Variants in CDH12 observed in about 807,000 individuals in gnomAD.
CDH12 encodes cadherin 12.
A neutral mutation model predicts 74.1 loss-of-function variants in CDH12; 41 were observed. The observed-to-expected ratio is 0.55, with a 90% CI of 0.43 to 0.72. The LOEUF (loss-of-function observed/expected upper bound fraction) is 0.72, where lower values mean the gene tolerates loss of function less well. Among genes scored for constraint, CDH12 ranks in the 30% least tolerant of loss-of-function variants. The pLI is 0.00. For synonymous variants in CDH12, 399 were observed against 355.0 expected, an observed-to-expected ratio of 1.12 and a Z score of -1.39; for missense variants, 945 against 977.2, an observed-to-expected ratio of 0.97 and a Z score of 0.44.
At chr5:22,404,233 C>G (rs754501029) in intron 3 of CDH12, among the ~76,000 whole-genome samples, 3 of 151,736 alleles carry the variant, frequency 2.0e-5, no homozygotes, top group Non-Finnish European at 4.4e-5. Flanking sequence ...AATCTAAACC[C>G]CTCATTTTGA....
At chr5:22,601,654 C>A (rs960663520) in intron 1 of CDH12, among the ~76,000 whole-genome samples, 5 of 151,864 alleles carry the variant, frequency 3.3e-5, no homozygotes, top group African/African-American at 1.2e-4. Context: ...TTTAAGTTAT[C>A]GACTGGGTAC....
At chr5:21,926,813 G>A (rs971221328) in intron 6 of CDH12, among the ~76,000 whole-genome samples, 3 of 152,140 alleles carry the variant, frequency 2.0e-5, no homozygotes, top group Non-Finnish European at 4.4e-5. Flanking sequence ...GTAGAACTGT[G>A]TACAACAATA....
chr5:22,721,260 G>C (rs950902965), intron 1 of CDH12, among the ~76,000 whole-genome samples: 7 of 152,236 alleles, frequency 4.6e-5, no homozygotes, highest in African/African-American at 1.7e-4. Flanking sequence ...AGTGGATCAA[G>C]GCCATGGGAG....
At chr5:21,764,887 T>A (rs1744931666) in intron 12 of CDH12, 91 bp downstream of exon 12, 1 of 1,197,250 alleles carries the variant, frequency 8.4e-7, no homozygotes, top group Admixed American at 2.1e-5. Flanking sequence ...GAAAAACAAA[T>A]ATATGTGTGC....
chr5:21,934,186 G>A (rs1387988872), intron 6 of CDH12, among the ~76,000 whole-genome samples: 8 of 152,106 alleles, frequency 5.3e-5, no homozygotes, highest in Non-Finnish European at 1.2e-4. Flanking sequence ...AATCTGATGT[G>A]GAATTGTGAT....
intron 4 of CDH12, among the ~76,000 whole-genome samples, chr5:22,196,147 A>AT (rs71609752): frequency 0.02 from 2,578 of 132,090 alleles, 70 homozygotes; most frequent in African/African-American, 0.059. Flanking sequence ...TCTGCATGTA[A>AT]TTTTTTTTTT....
intron 3 of CDH12, among the ~76,000 whole-genome samples, chr5:22,242,363 T>G (rs1009227133): frequency 4.6e-5 from 7 of 152,210 alleles, no homozygotes; most frequent in Non-Finnish European, 1.0e-4. Flanking sequence ...TATTTTTCGT[T>G]TTTTTCATTT....
At chr5:22,750,340 C>G (rs1431248964) in intron 1 of CDH12, among the ~76,000 whole-genome samples, 2 of 152,054 alleles carry the variant, frequency 1.3e-5, no homozygotes, top group African/African-American at 4.8e-5. Context: ...TAAGGGCAAG[C>G]CATTTGCAGT....
At chr5:22,666,280 A>ATTTTTTTTTTTTT (rs1740609513) in intron 1 of CDH12, among the ~76,000 whole-genome samples, 1 of 115,070 alleles carries the variant, frequency 8.7e-6, no homozygotes, top group African/African-American at 3.5e-5. Context: ...GTATCTCTCT[A>ATTTTTTTTTTTTT]TCTTTTTTTT....
chr5:22,277,778 G>A (rs1580473578), intron 3 of CDH12, among the ~76,000 whole-genome samples: 1 of 152,320 alleles, frequency 6.6e-6, no homozygotes, highest in East Asian at 1.9e-4. Context: ...AGATTGCAGT[G>A]GGCCGAGATT....
At chr5:22,367,804 C>A (rs1741096125) in intron 3 of CDH12, among the ~76,000 whole-genome samples, 2 of 152,094 alleles carry the variant, frequency 1.3e-5, no homozygotes, top group East Asian at 1.9e-4. Flanking sequence ...ATATTATGAC[C>A]AAAAAATTCA....
chr5:22,846,222 GAA>G (rs2126532789), intron 1 of CDH12, among the ~76,000 whole-genome samples: 1 of 152,268 alleles, frequency 6.6e-6, no homozygotes, highest in African/African-American at 2.4e-5. Context: ...GGGCAGAAAT[GAA>G]AAGTCTGGTT....
At chr5:22,519,648 C>G (rs1195392493) in intron 1 of CDH12, among the ~76,000 whole-genome samples, 4 of 152,176 alleles carry the variant, frequency 2.6e-5, no homozygotes, top group South Asian at 4.2e-4. Context: ...TGGTCTTGAT[C>G]TCCTGACCTC....
chr5:22,426,521 A>T (rs1743947898), intron 2 of CDH12, among the ~76,000 whole-genome samples: 1 of 152,002 alleles, frequency 6.6e-6, no homozygotes, highest in South Asian at 2.1e-4. Context: ...ATAGGCAAGA[A>T]CCCCCCGAAT....
intron 3 of CDH12, among the ~76,000 whole-genome samples, chr5:22,250,211 C>T (rs1272808374): frequency 1.3e-5 from 2 of 151,898 alleles, no homozygotes; most frequent in Middle Eastern, 3.4e-3. Context: ...ATATAGTCTA[C>T]TGCTGTGCAA....
chr5:21,939,248 CTG>C (rs1045411618), intron 6 of CDH12, among the ~76,000 whole-genome samples: 5 of 149,810 alleles, frequency 3.3e-5, no homozygotes, highest in African/African-American at 7.4e-5. Context: ...CAAAAAAAGA[CTG>C]AATTATAATA....
intron 1 of CDH12, among the ~76,000 whole-genome samples, chr5:22,793,466 A>C (rs185384503): frequency 6.6e-6 from 1 of 152,194 alleles, no homozygotes; most frequent in Non-Finnish European, 1.5e-5. Flanking sequence ...TATGTTCTAA[A>C]GGAATGTGCT....
chr5:22,120,273 T>C (rs1473274154), intron 4 of CDH12, among the ~76,000 whole-genome samples: 1 of 152,100 alleles, frequency 6.6e-6, no homozygotes, highest in Non-Finnish European at 1.5e-5. Flanking sequence ...GGTTGAAAAC[T>C]AGAAGGAATA....
chr5:22,550,270 T>A (rs1322294366), intron 1 of CDH12, among the ~76,000 whole-genome samples: 2 of 152,178 alleles, frequency 1.3e-5, no homozygotes, highest in East Asian at 3.9e-4. Flanking sequence ...AGTGCCACAA[T>A]TTCATATATC....
Sources: allele counts gnomAD v4.1 joint callset (sites outside exome capture counted in the v4.1 genomes callset), GRCh38; gene constraint gnomAD v4.1.1; transcripts MANE v1.5; gene names NCBI Gene and HGNC (gene_info 2026-07-23, HGNC 2026-07-21).